Variants in SOX5 observed in about 807,000 individuals in gnomAD.
SOX5 encodes SRY-box transcription factor 5, also known as transcription factor SOX-5.
In SOX5, 9 loss-of-function variants were observed where a neutral mutation model predicts 92.0. The observed-to-expected ratio is 0.10, with a 90% CI of 0.06 to 0.17. SOX5 has a LOEUF of 0.17. Ranked by LOEUF, SOX5 falls within the 10% of genes least tolerant of loss-of-function variation. The probability of loss-of-function intolerance (pLI) is 1.00; values close to 1 mark genes in which losing one functional copy is unlikely to be tolerated. For missense variants in SOX5, 642 were observed against 944.5 expected (o/e 0.68, Z 4.20); for synonymous variants, 344 against 336.3 (o/e 1.02, Z -0.25).
At chr12:24,058,843 A>G (rs1273198785) in intron 4 of SOX5, among the ~76,000 whole-genome samples, 8 of 152,202 alleles carry the variant, frequency 5.3e-5, no homozygotes, top group African/African-American at 1.9e-4. Context: ...CCCATTGTAC[A>G]TATGTAGTTA....
At chr12:23,584,356 T>C (rs1273677532) in intron 9 of SOX5, among the ~76,000 whole-genome samples, 1 of 152,108 alleles carries the variant, frequency 6.6e-6, no homozygotes, top group African/African-American at 2.4e-5. Context: ...TAAAAATATA[T>C]CTATGGCTCT....
intron 4 of SOX5, among the ~76,000 whole-genome samples, chr12:24,013,576 C>A (rs1031669887): frequency 1.6e-4 from 24 of 152,108 alleles, no homozygotes; most frequent in African/African-American, 5.8e-4. Flanking sequence ...TTGTCCTTTA[C>A]ACAGTAAAAA....
intron 4 of SOX5, among the ~76,000 whole-genome samples, chr12:24,210,470 G>T (rs1050130663): frequency 8.5e-5 from 13 of 152,160 alleles, no homozygotes; most frequent in African/African-American, 2.7e-4. Flanking sequence ...TATAATAAAA[G>T]AGTTACATAA....
At chr12:24,387,106 G>C (rs975825171) in intron 1 of SOX5, among the ~76,000 whole-genome samples, 1 of 152,190 alleles carries the variant, frequency 6.6e-6, no homozygotes, top group African/African-American at 2.4e-5. Context: ...CAAAGTAGAA[G>C]TACCAATTTT....
At chr12:23,577,192 T>TATATATATATA (rs1555172432) in intron 9 of SOX5, among the ~76,000 whole-genome samples, 79 of 58,222 alleles carry the variant, frequency 1.4e-3, no homozygotes, top group African/African-American at 3.8e-3. Context: ...TATATATATA[T>TATATATATATA]TTTTTTTTTT....
intron 6 of SOX5, among the ~76,000 whole-genome samples, chr12:23,712,385 C>G (rs1000736900): frequency 1.3e-5 from 2 of 152,122 alleles, no homozygotes; most frequent in Non-Finnish European, 2.9e-5. Context: ...CTCCACTGAA[C>G]TGATATGGAT....
chr12:24,056,974 C>CAAAAAAAA lies in SOX5; in HGVS notation c.-2+156361_-2+156368dup, dbSNP rs60085412. On this transcript the variant is annotated intron_variant, in intron 4 of 4. Transcript: ENST00000446891. ...TGGGCGACAGAGCGAGACTCCGTCTCAAAAAAAAAAAAAAAAAAATTCAAC... is the reference window on the plus strand; with the variant it reads ...TGGGCGACAGAGCGAGACTCCGTCTCAAAAAAAAAAAAAAAAAAAAAAAAAAATTCAAC... Among the ~76,000 whole-genome samples the CAAAAAAAA allele has an allele frequency of 1.7e-3, 64 of 36,890 alleles. 4 individuals carry two copies. The highest frequency in any genetic ancestry group is 5.3e-3 in the African/African-American group (58 of 10,908). 24.2% of individuals were successfully genotyped at this position (36,890 alleles called of 152,430 possible).
chr12:24,065,792 G>A (rs1435481608), intron 4 of SOX5, among the ~76,000 whole-genome samples: 1 of 151,960 alleles, frequency 6.6e-6, no homozygotes, highest in Non-Finnish European at 1.5e-5. Context: ...TTTGTGCCCA[G>A]GCCCTTAATC....
chr12:24,291,207 C>T (rs935917618), intron 2 of SOX5, among the ~76,000 whole-genome samples: 1 of 152,126 alleles, frequency 6.6e-6, no homozygotes, highest in Non-Finnish European at 1.5e-5. Context: ...GCACACAGCA[C>T]GTCACAAAGT....
intron 6 of SOX5, among the ~76,000 whole-genome samples, chr12:23,701,236 T>C (rs1261696478): frequency 6.6e-6 from 1 of 152,074 alleles, no homozygotes; most frequent in Non-Finnish European, 1.5e-5. Context: ...TAGTGCTCAG[T>C]GTGTGCCAAT....
chr12:24,406,103 G>C (rs372825308), intron 1 of SOX5, among the ~76,000 whole-genome samples: 30 of 152,096 alleles, frequency 2.0e-4, no homozygotes, highest in African/African-American at 7.0e-4. Context: ...TCTGAGAAGT[G>C]CCCGCAGCCT....
At chr12:23,858,635 G>A (rs935723538) in intron 2 of SOX5, among the ~76,000 whole-genome samples, 3 of 152,050 alleles carry the variant, frequency 2.0e-5, no homozygotes, top group Admixed American at 2.0e-4. Context: ...TAAGTAGTAT[G>A]GTGACTCCTC....
intron 4 of SOX5, among the ~76,000 whole-genome samples, chr12:24,151,544 G>GTGA (rs1951652551): frequency 6.6e-6 from 1 of 152,098 alleles, no homozygotes; most frequent in Non-Finnish European, 1.5e-5. Context: ...GGTGGTAGTA[G>GTGA]TGATGATGAT....
intron 2 of SOX5, among the ~76,000 whole-genome samples, chr12:24,364,827 A>C (rs1411986659): frequency 6.6e-6 from 1 of 152,060 alleles, no homozygotes; most frequent in Non-Finnish European, 1.5e-5. Flanking sequence ...ACAAACACAG[A>C]ATGATCAGAA....
chr12:24,238,236 C>T (rs1432940254), intron 3 of SOX5, among the ~76,000 whole-genome samples: 2 of 152,126 alleles, frequency 1.3e-5, no homozygotes, highest in African/African-American at 4.8e-5. Context: ...CATCTTTTCT[C>T]TCCATGGTGG....
At chr12:24,341,263 G>A (rs1438573558) in intron 2 of SOX5, among the ~76,000 whole-genome samples, 7 of 152,278 alleles carry the variant, frequency 4.6e-5, no homozygotes, top group African/African-American at 1.7e-4. Context: ...GATCACTTGA[G>A]CCCAATGGTT....
intron 3 of SOX5, among the ~76,000 whole-genome samples, chr12:23,769,225 C>G (rs1319187973): frequency 1.3e-5 from 2 of 152,100 alleles, no homozygotes; most frequent in African/African-American, 2.4e-5. Context: ...AAAAACTAAA[C>G]CTAGCACCTT....
At chr12:24,516,890 A>C (rs1004639255) in intron 1 of SOX5, among the ~76,000 whole-genome samples, 5 of 152,208 alleles carry the variant, frequency 3.3e-5, no homozygotes, top group African/African-American at 9.6e-5. Flanking sequence ...ATAATAATAT[A>C]AATGTATTCC....
chr12:23,763,020 C>A (rs1054780437), intron 3 of SOX5, among the ~76,000 whole-genome samples: 1 of 152,312 alleles, frequency 6.6e-6, no homozygotes, highest in South Asian at 2.1e-4. Flanking sequence ...TAAATCCCAG[C>A]ATTTCAACAA....
Sources: gnomAD v4.1 joint callset for allele counts (sites outside exome capture counted in the v4.1 genomes callset) on GRCh38, gnomAD v4.1.1 for gene constraint, MANE v1.5 for transcripts, NCBI Gene and HGNC (gene_info 2026-07-23, HGNC 2026-07-21) for gene names.